The following ARHGEF28 variants were observed in gnomAD, a reference collection of about 807,000 sequenced individuals.
The protein encoded by ARHGEF28 is 190 kDa guanine nucleotide exchange factor.
In ARHGEF28, 152 loss-of-function variants were observed where a neutral mutation model predicts 206.6. That is an observed-to-expected ratio of 0.74 (90% CI 0.64 to 0.84). ARHGEF28 has a LOEUF of 0.84. ARHGEF28 is among the 40% of genes least tolerant of loss of function. The pLI is 0.00. For missense variants in ARHGEF28, 2,028 were observed against 2,073.2 expected, an observed-to-expected ratio of 0.98 and a Z score of 0.42; for synonymous variants, 763 against 776.4, an observed-to-expected ratio of 0.98 and a Z score of 0.29.
At chr5:73,791,847 G>A (rs1394043351) in intron 7 of ARHGEF28, among the ~76,000 whole-genome samples, 6 of 152,154 alleles carry the variant, frequency 3.9e-5, no homozygotes, top group African/African-American at 1.4e-4. Flanking sequence ...TTACTTCTGG[G>A]TGGGCTTGAG....
At chr5:73,777,764 T>A (rs1753619668) in intron 6 of ARHGEF28, among the ~76,000 whole-genome samples, 1 of 152,178 alleles carries the variant, frequency 6.6e-6, no homozygotes, top group South Asian at 2.1e-4. Flanking sequence ...CTTTTAAGGA[T>A]GCTTGTCATT....
At chr5:73,864,785 G>A in intron 16 of ARHGEF28, 32 bp from the exon 17 acceptor site, 1 of 1,595,882 alleles carries the variant, frequency 6.3e-7, no homozygotes, top group East Asian at 2.2e-5. Flanking sequence ...TAAGTAAGAT[G>A]GATGCTTTTG....
intron 31 of ARHGEF28, chr5:73,903,428 G>A (rs537233153): frequency 2.0e-5 from 3 of 152,164 alleles, no homozygotes; most frequent in Non-Finnish European, 2.9e-5. Flanking sequence ...ACAAAGTCTC[G>A]CTACTCACTG....
chr5:73,670,128 T>A (rs1366840068), intron 1 of ARHGEF28, among the ~76,000 whole-genome samples: 1 of 152,238 alleles, frequency 6.6e-6, no homozygotes, highest in East Asian at 1.9e-4. Context: ...CCTTTTATAG[T>A]CAGAGCCATC....
intron 33 of ARHGEF28, among the ~76,000 whole-genome samples, chr5:73,906,579 T>C (rs1762570207): frequency 6.6e-6 from 1 of 152,274 alleles, no homozygotes; most frequent in Admixed American, 6.5e-5. Context: ...AGTTAAAATT[T>C]CATTATATTT....
intron 1 of ARHGEF28, among the ~76,000 whole-genome samples, chr5:73,683,161 G>A (rs756953214): frequency 4.6e-5 from 7 of 152,034 alleles, no homozygotes; most frequent in Non-Finnish European, 8.8e-5. Flanking sequence ...GTTTCTAAGT[G>A]CTATTTGTTT....
At chr5:73,918,458 T>G (rs892632094) in intron 35 of ARHGEF28, among the ~76,000 whole-genome samples, 7 of 152,232 alleles carry the variant, frequency 4.6e-5, no homozygotes, top group African/African-American at 9.6e-5. Context: ...GAATTAATAG[T>G]GCAATATTAT....
chr5:73,669,083 A>C (rs970480043), intron 1 of ARHGEF28, among the ~76,000 whole-genome samples: 2 of 152,164 alleles, frequency 1.3e-5, no homozygotes, highest in African/African-American at 4.8e-5. Flanking sequence ...GGCATATCCT[A>C]CCTTGTTCAT....
chr5:73,784,791 G>A (rs919646451), intron 7 of ARHGEF28, among the ~76,000 whole-genome samples: 2 of 151,958 alleles, frequency 1.3e-5, no homozygotes, highest in African/African-American at 4.8e-5. Flanking sequence ...GCATAGTAAA[G>A]GTTAACAATG....
chr5:73,799,960 A>G (rs970944532), intron 9 of ARHGEF28, among the ~76,000 whole-genome samples: 1 of 152,206 alleles, frequency 6.6e-6, no homozygotes, highest in African/African-American at 2.4e-5. Context: ...CGCAAGTGCA[A>G]GAGAAGATAT....
chr5:73,932,671 G>A (rs1027860527), intron 35 of ARHGEF28, among the ~76,000 whole-genome samples: 2 of 151,652 alleles, frequency 1.3e-5, no homozygotes, highest in African/African-American at 4.8e-5. Flanking sequence ...AATTATATTA[G>A]AATTTTCAAA....
intron 17 of ARHGEF28, among the ~76,000 whole-genome samples, chr5:73,865,505 CCT>C (rs1759650953): frequency 6.6e-6 from 1 of 152,110 alleles, no homozygotes; most frequent in South Asian, 2.1e-4. Context: ...CAGTTGCAAA[CCT>C]CTGTGTCAAT....
At chr5:73,812,514 T>G (rs1453481296) in intron 9 of ARHGEF28, among the ~76,000 whole-genome samples, 1 of 152,202 alleles carries the variant, frequency 6.6e-6, no homozygotes, top group Non-Finnish European at 1.5e-5. Flanking sequence ...GGGATATCCT[T>G]TTTTTCCACT....
At chr5:73,823,869 T>C (rs763181903) in intron 9 of ARHGEF28, among the ~76,000 whole-genome samples, 6 of 152,230 alleles carry the variant, frequency 3.9e-5, no homozygotes, top group Non-Finnish European at 8.8e-5. Flanking sequence ...GTTACTTAAA[T>C]AGCACTGCAG....
At chr5:73,671,684 T>C (rs188318775) in intron 1 of ARHGEF28, among the ~76,000 whole-genome samples, 4 of 131,968 alleles carry the variant, frequency 3.0e-5, no homozygotes, top group African/African-American at 1.1e-4. Context: ...TGGGTTTTCA[T>C]TGAACTTGAT....
At chr5:73,629,301 C>T (rs1020627388) in intron 1 of ARHGEF28, among the ~76,000 whole-genome samples, 16 of 152,004 alleles carry the variant, frequency 1.1e-4, no homozygotes, top group Admixed American at 9.8e-4. Flanking sequence ...AGTTCAAGAC[C>T]AGCCTGGGCA....
At position 73,776,557 on chromosome 5, in the gene ARHGEF28, T is replaced by C. The variant is rs367754676; in HGVS notation, c.701T>C (p.Leu234Pro). 1 of 1,613,704 alleles carries C rather than the reference T, an allele frequency of 6.2e-7. No homozygotes were observed. Among genetic ancestry groups the C allele is most frequent in the African/African-American group, 1.3e-5 (1 of 74,918 alleles). Reference sequence around the variant, plus strand: ...TCCCCAAGCTTCTCCCGAGTGCAGCTCAGTGAAGAAGCCTCCTTGCATTAC... The same window carrying C: ...TCCCCAAGCTTCTCCCGAGTGCAGCCCAGTGAAGAAGCCTCCTTGCATTAC... ...RWSPSFSRVQ[L>P]SEEASLHYIH... Residue 234 changes from leucine to proline, a missense_variant, in exon 6 of 36, where the codon CTC (leucine) becomes CCC (proline). Leu to Pro is a moderately conservative substitution (Grantham distance 98). Transcript: ENST00000513042.
chr5:73,838,834 A>G (rs570694356), intron 10 of ARHGEF28, among the ~76,000 whole-genome samples: 6 of 152,300 alleles, frequency 3.9e-5, no homozygotes, highest in African/African-American at 1.4e-4. Context: ...GCTATTAGCT[A>G]TCTCCAGACC....
chr5:73,881,261 T>A (rs1013122386), intron 22 of ARHGEF28, among the ~76,000 whole-genome samples: 1 of 152,232 alleles, frequency 6.6e-6, no homozygotes, highest in Non-Finnish European at 1.5e-5. Context: ...TTTCCAAAAT[T>A]GTTCTAGCTG....
Sources: gnomAD v4.1 joint callset for allele counts (sites outside exome capture counted in the v4.1 genomes callset) on GRCh38, gnomAD v4.1.1 for gene constraint, MANE v1.5 for transcripts, NCBI Gene and HGNC (gene_info 2026-07-23, HGNC 2026-07-21) for gene names.